The following DNAJC1 variants were observed in gnomAD, a reference collection of about 807,000 sequenced individuals.
DNAJC1 encodes the protein DnaJ heat shock protein family (Hsp40) member C1, also known as dnaJ homolog subfamily C member 1.
Under a neutral mutation model 76.6 loss-of-function variants are expected in DNAJC1, and 58 were observed. The ratio of observed to expected loss-of-function variants is 0.76; its 90% CI spans 0.61 to 0.94. The LOEUF is 0.94. Ranked by LOEUF, DNAJC1 falls within the 40% of genes least tolerant of loss-of-function variation. DNAJC1 has a pLI of 0.00. For synonymous variants in DNAJC1, 258 were observed against 267.9 expected (o/e 0.96, Z 0.36); for missense variants, 689 against 677.3 (o/e 1.02, Z -0.19).
At chr10:21,999,968 C>A (rs780043268) in intron 1 of DNAJC1, among the ~76,000 whole-genome samples, 3 of 152,154 alleles carry the variant, frequency 2.0e-5, no homozygotes, top group Non-Finnish European at 4.4e-5. Flanking sequence ...AGCTCAACTT[C>A]AACGTTTAAC....
At chr10:21,949,761 C>T (rs1199095357) in intron 1 of DNAJC1, among the ~76,000 whole-genome samples, 7 of 151,894 alleles carry the variant, frequency 4.6e-5, no homozygotes, top group South Asian at 2.1e-4. Context: ...AACCAGTCCT[C>T]GAAACCTTTG....
At chr10:21,913,774 C>CA (rs1836907384) in intron 6 of DNAJC1, among the ~76,000 whole-genome samples, 1 of 152,164 alleles carries the variant, frequency 6.6e-6, no homozygotes, top group South Asian at 2.1e-4. Context: ...GGTAAGATGT[C>CA]AAAGTGTCAC....
At chr10:21,975,605 A>G (rs911817194) in intron 1 of DNAJC1, among the ~76,000 whole-genome samples, 1 of 152,236 alleles carries the variant, frequency 6.6e-6, no homozygotes, top group Non-Finnish European at 1.5e-5. Flanking sequence ...TGCAAGGCCA[A>G]TTAACCCTTT....
chr10:21,806,889 T>C (rs577081454), intron 8 of DNAJC1, among the ~76,000 whole-genome samples: 5 of 152,250 alleles, frequency 3.3e-5, no homozygotes, highest in South Asian at 2.1e-4. Context: ...AACACGCATA[T>C]GCAAAAAGTC....
intron 9 of DNAJC1, among the ~76,000 whole-genome samples, chr10:21,784,963 A>T (rs1268096123): frequency 6.6e-6 from 1 of 152,182 alleles, no homozygotes; most frequent in Non-Finnish European, 1.5e-5. Flanking sequence ...TGACAAGTTA[A>T]TGGGTGCAGC....
At chr10:21,861,859 G>C (rs566013821) in intron 8 of DNAJC1, among the ~76,000 whole-genome samples, 1 of 152,064 alleles carries the variant, frequency 6.6e-6, no homozygotes, top group Non-Finnish European at 1.5e-5. Context: ...AGCAGCCCTT[G>C]GGGCTGCTCG....
intron 8 of DNAJC1, among the ~76,000 whole-genome samples, chr10:21,850,620 A>G (rs766421572): frequency 3.3e-5 from 5 of 151,984 alleles, no homozygotes; most frequent in Non-Finnish European, 5.9e-5. Flanking sequence ...ATGCACATCA[A>G]TGCAATACCC....
At chr10:21,763,349 A>C (rs1719455294) in intron 10 of DNAJC1, among the ~76,000 whole-genome samples, 2 of 152,240 alleles carry the variant, frequency 1.3e-5, no homozygotes, top group African/African-American at 2.4e-5. Flanking sequence ...AAAATGATTA[A>C]AGATATTAGT....
chr10:21,995,168 C>A (rs1479820582), intron 1 of DNAJC1, among the ~76,000 whole-genome samples: 1 of 151,976 alleles, frequency 6.6e-6, no homozygotes, highest in Non-Finnish European at 1.5e-5. Context: ...GGAATAGATT[C>A]CTTAACCTGA....
At chr10:21,848,393 T>C (rs1228672116) in intron 8 of DNAJC1, among the ~76,000 whole-genome samples, 1 of 152,214 alleles carries the variant, frequency 6.6e-6, no homozygotes, top group Non-Finnish European at 1.5e-5. Context: ...CTCCATTCCA[T>C]AGGCTGTCTC....
chr10:21,888,591 C>A (rs1361663315), intron 7 of DNAJC1, among the ~76,000 whole-genome samples: 1 of 152,152 alleles, frequency 6.6e-6, no homozygotes, highest in Non-Finnish European at 1.5e-5. Context: ...GAATACTATG[C>A]AGCCATAAAA....
intron 8 of DNAJC1, among the ~76,000 whole-genome samples, chr10:21,864,012 A>G (rs1160193402): frequency 6.6e-6 from 1 of 151,792 alleles, no homozygotes; most frequent in East Asian, 1.9e-4. Flanking sequence ...AGACCAGCCT[A>G]AGGAACATGG....
chr10:21,936,668 C>G (rs1837318090), intron 1 of DNAJC1, among the ~76,000 whole-genome samples: 1 of 152,024 alleles, frequency 6.6e-6, no homozygotes, highest in Admixed American at 6.5e-5. Context: ...ATCTCACATT[C>G]TAGCAAAATA....
intron 1 of DNAJC1, among the ~76,000 whole-genome samples, chr10:21,993,851 C>T (rs1234253396): frequency 6.6e-6 from 1 of 152,018 alleles, no homozygotes; most frequent in East Asian, 1.9e-4. Flanking sequence ...CTATATTTTC[C>T]CACTTCTCTA....
intron 7 of DNAJC1, among the ~76,000 whole-genome samples, chr10:21,901,546 A>G (rs919980758): frequency 6.6e-6 from 1 of 152,204 alleles, no homozygotes; most frequent in African/African-American, 2.4e-5. Flanking sequence ...CCAAATATAT[A>G]TCAACAATTT....
chr10:21,959,800 C>A (rs112371043), intron 1 of DNAJC1, among the ~76,000 whole-genome samples: 187 of 138,754 alleles, frequency 1.3e-3, no homozygotes, highest in East Asian at 2.1e-3. Context: ...AAAACAAAAA[C>A]AAAAAAAAAA....
intron 1 of DNAJC1, among the ~76,000 whole-genome samples, chr10:21,993,021 G>A (rs919529420): frequency 2.6e-5 from 4 of 152,088 alleles, no homozygotes; most frequent in South Asian, 4.1e-4. Flanking sequence ...TTGTTTCTAC[G>A]AGAGCTAAAC....
intron 1 of DNAJC1, among the ~76,000 whole-genome samples, chr10:21,952,683 T>C (rs956660666): frequency 2.4e-4 from 36 of 152,256 alleles, no homozygotes; most frequent in African/African-American, 8.2e-4. Flanking sequence ...CACTTGAAAC[T>C]GGGAGGCAGA....
intron 8 of DNAJC1, among the ~76,000 whole-genome samples, chr10:21,810,606 C>T (rs747611673): frequency 4.6e-5 from 7 of 152,154 alleles, no homozygotes; most frequent in Admixed American, 2.6e-4. Flanking sequence ...ACCCCATGGA[C>T]GTACTGCTTC....
Sources: allele counts gnomAD v4.1 joint callset (sites outside exome capture counted in the v4.1 genomes callset), GRCh38; gene constraint gnomAD v4.1.1; transcripts MANE v1.5; gene names NCBI Gene and HGNC (gene_info 2026-07-23, HGNC 2026-07-21).